Variants in ACAP2 observed in about 807,000 individuals in gnomAD.
ACAP2 encodes the protein ArfGAP with coiled-coil, ankyrin repeat and PH domains 2.
In ACAP2, 39 loss-of-function variants were observed where a neutral mutation model predicts 115.8. The observed-to-expected ratio is 0.34, with a 90% CI of 0.26 to 0.44. The LOEUF is 0.44. Ranked by LOEUF, ACAP2 falls within the 20% of genes least tolerant of loss-of-function variation. ACAP2 has a pLI of 1.00. For missense variants in ACAP2, 662 were observed against 927.6 expected (o/e 0.71, Z 3.72); for synonymous variants, 289 against 315.8 (o/e 0.92, Z 0.90).
chr3:195,431,043 T>G (rs1715076797), intron 1 of ACAP2, among the ~76,000 whole-genome samples: 1 of 152,196 alleles, frequency 6.6e-6, no homozygotes, highest in African/African-American at 2.4e-5. Context: ...AACCACTAAT[T>G]GCATTTCCCT....
chr3:195,337,038 A>G, intron 6 of ACAP2, 62 bp from the exon 7 acceptor site: 5 of 1,406,154 alleles, frequency 3.6e-6, no homozygotes, highest in Non-Finnish European at 3.9e-6. Flanking sequence ...CCATAATGCA[A>G]TATTGTAAAG....
Position 195,276,100 on chromosome 3 carries a change from A to T in ACAP2, c.*3228T>A, listed in dbSNP as rs1279584702. 1 of 152,686 alleles carries T rather than the reference A, an allele frequency of 6.5e-6. No individual in the cohort carries two copies. The highest frequency in any genetic ancestry group is 2.4e-5 in the African/African-American group (1 of 41,472). The allele number at this position is 152,686 out of a possible 1,614,324, so 9.5% of individuals were successfully genotyped here. On this transcript the variant is annotated 3_prime_UTR_variant, in exon 23 of 23. Transcript: ENST00000326793. ...AACGGTAGTAAATTTAGTCTTAAAC[A>T]CAATTTCATTTACTGCGACCATACT...
At chr3:195,294,896 C>G (rs889144472) in intron 17 of ACAP2, 85 bp from the exon 18 acceptor site, 2 of 796,884 alleles carry the variant, frequency 2.5e-6, no homozygotes, top group Non-Finnish European at 4.1e-6. Flanking sequence ...AAAATGAGCT[C>G]TTACACATCA....
chr3:195,433,348 A>T (rs1202821508), intron 1 of ACAP2, among the ~76,000 whole-genome samples: 1 of 152,218 alleles, frequency 6.6e-6, no homozygotes, highest in African/African-American at 2.4e-5. Flanking sequence ...TTGACTCACA[A>T]AAGTGGAACC....
At chr3:195,411,462 T>C (rs1432028305) in intron 1 of ACAP2, among the ~76,000 whole-genome samples, 1 of 152,250 alleles carries the variant, frequency 6.6e-6, no homozygotes, top group Non-Finnish European at 1.5e-5. Flanking sequence ...CTAATATGAA[T>C]GTACTTAATA....
At chr3:195,351,117 C>CTTT (rs1160492256) in intron 4 of ACAP2, among the ~76,000 whole-genome samples, 1 of 107,312 alleles carries the variant, frequency 9.3e-6, no homozygotes, top group African/African-American at 3.2e-5. Context: ...AAGATAAATC[C>CTTT]TTTTTTTTTT....
intron 4 of ACAP2, among the ~76,000 whole-genome samples, chr3:195,370,545 G>C (rs1733055029): frequency 6.6e-6 from 1 of 152,146 alleles, no homozygotes; most frequent in Non-Finnish European, 1.5e-5. Context: ...TTGAAGATCA[G>C]ATGGTTGTAG....
intron 4 of ACAP2, among the ~76,000 whole-genome samples, chr3:195,350,475 C>T (rs905826524): frequency 4.6e-5 from 7 of 151,534 alleles, no homozygotes; most frequent in Non-Finnish European, 1.0e-4. Flanking sequence ...AGTGAGACCC[C>T]CCAATCTCGA....
rs115710523 is a variant in ACAP2 at position 195,325,260 on chromosome 3, C to T, written c.744+1625G>A. Among the ~76,000 whole-genome samples, 270 of 152,174 alleles carry T rather than the reference C, an allele frequency of 1.8e-3. 1 individual carries two copies. The highest frequency in any genetic ancestry group is 6.2e-3 in the African/African-American group (257 of 41,540). On this transcript the variant is annotated intron_variant, in intron 9 of 22. Coordinates refer to ENST00000326793, the MANE Select transcript of ACAP2 (RefSeq NM_012287.6). ...CACCTTCTAACTCAGCAGTTTTACT[C>T]CTAGGTATAAATACATGAGAAATGT...
chr3:195,307,146 T>C, intron 12 of ACAP2, 77 bp downstream of exon 12: 1 of 1,197,706 alleles, frequency 8.3e-7, no homozygotes, highest in Admixed American at 2.1e-5. Flanking sequence ...AAATGCAAAT[T>C]TCTCTACTCT....
intron 6 of ACAP2, among the ~76,000 whole-genome samples, chr3:195,337,411 C>T (rs1280038296): frequency 1.3e-5 from 2 of 151,632 alleles, no homozygotes; most frequent in Non-Finnish European, 2.9e-5. Context: ...ATTCTTGACT[C>T]CCTACAATCC....
chr3:195,333,323 T>G (rs980476688), intron 7 of ACAP2, among the ~76,000 whole-genome samples, 200 bp from the exon 8 acceptor site: 1 of 152,178 alleles, frequency 6.6e-6, no homozygotes, highest in Admixed American at 6.5e-5. Flanking sequence ...CACTTCAGCC[T>G]CCTAAATAGC....
At chr3:195,398,907 G>A (rs1013651213) in intron 1 of ACAP2, among the ~76,000 whole-genome samples, 10 of 152,006 alleles carry the variant, frequency 6.6e-5, no homozygotes, top group East Asian at 1.9e-4. Flanking sequence ...CAACTCATAC[G>A]AGCCCCTGAG....
intron 6 of ACAP2, among the ~76,000 whole-genome samples, chr3:195,338,309 A>G (rs1468762932): frequency 2.6e-5 from 4 of 152,150 alleles, no homozygotes; most frequent in African/African-American, 9.7e-5. Flanking sequence ...TTTTAGAGAC[A>G]GAGTCTCACT....
intron 1 of ACAP2, among the ~76,000 whole-genome samples, chr3:195,409,801 G>A (rs1320817002): frequency 1.4e-5 from 2 of 142,050 alleles, no homozygotes; most frequent in Non-Finnish European, 3.0e-5. Flanking sequence ...GCTTGAACCT[G>A]GGAGGCAGAT....
intron 4 of ACAP2, among the ~76,000 whole-genome samples, chr3:195,377,138 C>CTTTTTTTTTTTTTTTTTTTTTTTTTTT (rs749352761): frequency 3.9e-5 from 3 of 77,082 alleles, no homozygotes; most frequent in African/African-American, 5.3e-5. Flanking sequence ...GAATGTAAAT[C>CTTTTTTTTTTTTTTTTTTTTTTTTTTT]TTTTTTTTTT....
At chr3:195,388,793 G>A (rs1339408441) in intron 2 of ACAP2, among the ~76,000 whole-genome samples, 3 of 152,152 alleles carry the variant, frequency 2.0e-5, no homozygotes, top group East Asian at 3.8e-4. Context: ...AGGCCAAGGC[G>A]GGCAGATCAC....
chr3:195,305,949 T>C (rs1428199418), intron 13 of ACAP2, among the ~76,000 whole-genome samples: 3 of 152,022 alleles, frequency 2.0e-5, no homozygotes, highest in Non-Finnish European at 4.4e-5. Context: ...TCCCAACAAT[T>C]ATCTATCACT....
intron 7 of ACAP2, among the ~76,000 whole-genome samples, chr3:195,333,546 T>G (rs1238171642): frequency 1.3e-5 from 2 of 152,234 alleles, no homozygotes; most frequent in Non-Finnish European, 2.9e-5. Context: ...GTTTTAAAAG[T>G]GTATTTCAAA....
Sources: allele counts gnomAD v4.1 joint callset (sites outside exome capture counted in the v4.1 genomes callset), GRCh38; gene constraint gnomAD v4.1.1; transcripts MANE v1.5; gene names NCBI Gene and HGNC (gene_info 2026-07-23, HGNC 2026-07-21).